The following SH3BGRL2 variants were observed in gnomAD, a reference collection of about 807,000 sequenced individuals.
The protein encoded by SH3BGRL2 is SH3 domain binding glutamate rich protein like 2.
A neutral mutation model predicts 14.8 loss-of-function variants in SH3BGRL2; 21 were observed. The observed-to-expected ratio is 1.42, with a 90% CI of 1.01 to 2.05. SH3BGRL2 has a LOEUF of 2.05. Ranked by LOEUF, SH3BGRL2 falls within the 30% of genes most tolerant of loss-of-function variation. SH3BGRL2 has a pLI of 0.00. For missense variants in SH3BGRL2, 147 were observed against 130.8 expected (o/e 1.12, Z -0.61); for synonymous variants, 50 against 47.8 (o/e 1.05, Z -0.19).
chr6:79,591,607 T>C, the SH3BGRL2 span, among the ~76,000 whole-genome samples: 2 of 152,212 alleles, frequency 1.3e-5, no homozygotes, highest in Middle Eastern at 6.8e-3. Context: ...GGGGTTTCAC[T>C]ATGTTGGTCA....
chr6:79,558,174 A>G, the SH3BGRL2 span, among the ~76,000 whole-genome samples: 2 of 152,224 alleles, frequency 1.3e-5, no homozygotes, highest in Non-Finnish European at 2.9e-5. Flanking sequence ...TGAATAACAG[A>G]TTAAGAGGAT....
the SH3BGRL2 span, among the ~76,000 whole-genome samples, chr6:79,597,296 AAGAG>A: frequency 1.5e-4 from 23 of 149,888 alleles, no homozygotes; most frequent in African/African-American, 4.4e-4. Flanking sequence ...GAAAGAGAGA[AAGAG>A]AGAGAAAAGA....
the SH3BGRL2 span, among the ~76,000 whole-genome samples, chr6:79,592,442 T>C: frequency 1.3e-5 from 2 of 152,148 alleles, no homozygotes; most frequent in Non-Finnish European, 2.9e-5. Flanking sequence ...AAAGTGAAAG[T>C]AGGAGCTTAT....
At chr6:79,538,666 AG>A in the SH3BGRL2 span, among the ~76,000 whole-genome samples, 4 of 152,208 alleles carry the variant, frequency 2.6e-5, no homozygotes, top group African/African-American at 7.2e-5. Flanking sequence ...TTACTTATAA[AG>A]GAAGTTGCTA....
At chr6:79,693,579 T>G (rs1770272206) in intron 2 of SH3BGRL2, among the ~76,000 whole-genome samples, 2 of 151,950 alleles carry the variant, frequency 1.3e-5, no homozygotes, top group Admixed American at 1.3e-4. Context: ...CGTTGTTGAA[T>G]TTTGTCAAAG....
At chr6:79,660,633 A>T (rs1427015564) in intron 1 of SH3BGRL2, among the ~76,000 whole-genome samples, 1 of 152,080 alleles carries the variant, frequency 6.6e-6, no homozygotes, top group Non-Finnish European at 1.5e-5. Context: ...GGCTTTGGTA[A>T]CTGGATGATG....
At chr6:79,667,231 G>A (rs1025893470) in intron 1 of SH3BGRL2, among the ~76,000 whole-genome samples, 3 of 152,160 alleles carry the variant, frequency 2.0e-5, no homozygotes, top group Non-Finnish European at 2.9e-5. Flanking sequence ...GTACAAAAAC[G>A]GGAATAATCT....
chr6:79,644,738 T>C (rs116495154), intron 1 of SH3BGRL2, among the ~76,000 whole-genome samples: 59 of 152,284 alleles, frequency 3.9e-4, no homozygotes, highest in African/African-American at 1.3e-3. Context: ...CTTAATGAAA[T>C]TGCAGCCATT....
chr6:79,540,144 A>T, the SH3BGRL2 span, among the ~76,000 whole-genome samples: 4 of 152,122 alleles, frequency 2.6e-5, no homozygotes, highest in Non-Finnish European at 5.9e-5. Context: ...TGTAAAGAAC[A>T]GTATAATTGG....
intron 2 of SH3BGRL2, among the ~76,000 whole-genome samples, chr6:79,681,369 G>A (rs1023320252): frequency 2.0e-5 from 3 of 152,036 alleles, no homozygotes; most frequent in Non-Finnish European, 2.9e-5. Context: ...AGCATTGGAC[G>A]AGTTGCTAAC....
chr6:79,698,271 G>T (rs375344676), intron 3 of SH3BGRL2, among the ~76,000 whole-genome samples: 1 of 152,136 alleles, frequency 6.6e-6, no homozygotes, highest in Admixed American at 6.5e-5. Context: ...ATACTTCATC[G>T]TCGTATGAGA....
intron 2 of SH3BGRL2, among the ~76,000 whole-genome samples, chr6:79,681,950 T>C (rs1272694543): frequency 6.9e-6 from 1 of 144,278 alleles, no homozygotes; most frequent in Non-Finnish European, 1.5e-5. Context: ...AGACTCCGTC[T>C]CAAAAAAAAA....
the SH3BGRL2 span, among the ~76,000 whole-genome samples, chr6:79,612,014 T>G: frequency 2.6e-5 from 4 of 152,282 alleles, no homozygotes; most frequent in South Asian, 6.2e-4. Context: ...TTTTAAAACT[T>G]CACTGCCAGG....
At chr6:79,640,741 A>G (rs1392439995) in intron 1 of SH3BGRL2, among the ~76,000 whole-genome samples, 3 of 152,044 alleles carry the variant, frequency 2.0e-5, no homozygotes, top group Non-Finnish European at 4.4e-5. Context: ...TGGAGCAGAC[A>G]GGGAACGTTG....
At chr6:79,660,613 G>T (rs188903840) in intron 1 of SH3BGRL2, among the ~76,000 whole-genome samples, 13 of 152,238 alleles carry the variant, frequency 8.5e-5, no homozygotes, top group African/African-American at 2.6e-4. Flanking sequence ...TTTTGGTTGT[G>T]TCTCTGCTAG....
chr6:79,568,654 T>C, the SH3BGRL2 span, among the ~76,000 whole-genome samples: 1 of 151,582 alleles, frequency 6.6e-6, no homozygotes, highest in Admixed American at 6.6e-5. Context: ...TTGAGAGGAG[T>C]GATGATGCTA....
rs1314461003 is a variant in SH3BGRL2, at chr6:79,666,133, AG to A, written c.46-7479del. The stretch of plus-strand genomic sequence containing the variant: ...ACCTGTCTAACATGAGCTTAAACAG[AG>A]GTGTTTCAGTCTCTCCTGGTAAGTC... On this transcript the variant is annotated intron_variant, in intron 1 of 3. Coordinates refer to ENST00000369838, the MANE Select transcript of SH3BGRL2 (RefSeq NM_031469.4). Among the ~76,000 whole-genome samples the A allele has an allele frequency of 3.3e-5, 5 of 152,252 alleles. No homozygotes were observed. The East Asian group carries it at 9.7e-4, about 29-fold the overall frequency.
intron 1 of SH3BGRL2, among the ~76,000 whole-genome samples, chr6:79,644,591 A>G (rs1390321294): frequency 6.6e-6 from 1 of 152,168 alleles, no homozygotes; most frequent in Non-Finnish European, 1.5e-5. Flanking sequence ...GGCAGTGATG[A>G]GTAGAAAGAA....
chr6:79,555,302 T>C, the SH3BGRL2 span, among the ~76,000 whole-genome samples: 1 of 151,850 alleles, frequency 6.6e-6, no homozygotes, highest in African/African-American at 2.4e-5. Flanking sequence ...ATTCAAAAAT[T>C]AGCTGGGCGT....
Sources: allele counts gnomAD v4.1 joint callset (sites outside exome capture counted in the v4.1 genomes callset), GRCh38; gene constraint gnomAD v4.1.1; transcripts MANE v1.5; gene names NCBI Gene and HGNC (gene_info 2026-07-23, HGNC 2026-07-21).